The following BRSK2 variants were observed in gnomAD, a reference collection of about 807,000 sequenced individuals.
BRSK2 encodes the protein serine/threonine-protein kinase BRSK2.
A neutral mutation model predicts 83.3 loss-of-function variants in BRSK2; 19 were observed. The observed-to-expected ratio is 0.23, with a 90% CI of 0.16 to 0.33. The LOEUF (loss-of-function observed/expected upper bound fraction) is 0.33, where lower values mean the gene tolerates loss of function less well. BRSK2 is among the 10% of genes least tolerant of loss of function. BRSK2 has a pLI of 1.00. For missense variants in BRSK2, 798 were observed against 1,042.3 expected (o/e 0.77, Z 3.23); for synonymous variants, 519 against 435.4 (o/e 1.19, Z -2.39).
At chr11:1,410,505 C>T (rs1054892842) in intron 1 of BRSK2, 24 of 985,362 alleles carry the variant, frequency 2.4e-5, no homozygotes, top group African/African-American at 1.6e-4. Flanking sequence ...GTGCTGGGCC[C>T]GCAGACTTCG....
At chr11:1,414,967 CAT>C (rs1003501832) in intron 1 of BRSK2, among the ~76,000 whole-genome samples, 5 of 152,208 alleles carry the variant, frequency 3.3e-5, no homozygotes, top group African/African-American at 1.2e-4. Context: ...CTGCCGTGGA[CAT>C]GTGGCTGCTT....
intron 1 of BRSK2, chr11:1,411,504 G>C: frequency 2.0e-6 from 3 of 1,499,304 alleles, no homozygotes; most frequent in Non-Finnish European, 2.7e-6. Context: ...GTCTGGCCCA[G>C]CGGTGGGCAG....
At chr11:1,425,226 A>G (rs890398939) in intron 1 of BRSK2, among the ~76,000 whole-genome samples, 11 of 152,178 alleles carry the variant, frequency 7.2e-5, no homozygotes, top group African/African-American at 2.7e-4. Context: ...GCTTCGGCTT[A>G]AGGCCTCTCA....
At chr11:1,416,955 T>C (rs1401782295) in intron 1 of BRSK2, among the ~76,000 whole-genome samples, 3 of 152,174 alleles carry the variant, frequency 2.0e-5, no homozygotes, top group Non-Finnish European at 2.9e-5. Context: ...GGTCAGGCGT[T>C]CGAGACCAGC....
At position 1,389,974 on chromosome 11, in the gene BRSK2, G is replaced by A. The variant is rs1845620713; in HGVS notation, c.-311G>A. 6.9e-6 allele frequency: 1 copy of A among 145,878 alleles called. No homozygotes were observed. The highest frequency in any genetic ancestry group is 2.5e-5 in the African/African-American group (1 of 40,596). 9.0% of individuals were successfully genotyped at this position (145,878 alleles called of 1,614,324 possible). A position where few individuals can be genotyped will look rare whatever the true frequency, so the allele number is the denominator to read the frequency against. On this transcript the variant is annotated 5_prime_UTR_variant, in exon 1 of 20. Transcript: ENST00000528841. This position sits in a 1 kb window ranked among gnomAD's most constrained non-coding sequence, Gnocchi z 4.1. ...CGCGGCCGCTGACGGGCGTGCGCTG[G>A]GGGCGCGGGGCGCGGGGCGCGGGCC...
intron 1 of BRSK2, among the ~76,000 whole-genome samples, chr11:1,426,414 G>C (rs1849231916): frequency 6.6e-6 from 1 of 152,158 alleles, no homozygotes; most frequent in Admixed American, 6.5e-5. Flanking sequence ...GGCTTGAACT[G>C]TCACTTTAAT....
chr11:1,442,733 T>C (rs1349680962), intron 5 of BRSK2, 127 bp downstream of exon 5: 3 of 760,174 alleles, frequency 3.9e-6, no homozygotes, highest in Non-Finnish European at 6.6e-6. Context: ...CCCCCCACAA[T>C]GTGCCTGAGC....
rs1847105775 is a variant in BRSK2 at position 1,459,323 on chromosome 11, C to T, written c.1987+84C>T. Reference sequence around the variant, plus strand: ...GCCCGCTGTGGCCGCCACCTGCCGCCCGGGTTGTCCCGGCCTCCCTGTGTA... The same window carrying T: ...GCCCGCTGTGGCCGCCACCTGCCGCTCGGGTTGTCCCGGCCTCCCTGTGTA... On this transcript the variant is annotated intron_variant, in intron 19 of 19. Transcript: ENST00000528841. 4.2e-5 allele frequency: 62 copies of T among 1,486,430 alleles called. No individual in the cohort carries two copies. The South Asian group carries it at 7.0e-4, about 17-fold the overall frequency. 92.1% of individuals were successfully genotyped at this position (1,486,430 alleles called of 1,614,324 possible). A position where few individuals can be genotyped will look rare whatever the true frequency, so the allele number is the denominator to read the frequency against.
At chr11:1,447,269 T>TGCCTCCTGCCTGCGTGGCC (rs1852279151) in intron 12 of BRSK2, among the ~76,000 whole-genome samples, 2 of 152,196 alleles carry the variant, frequency 1.3e-5, no homozygotes, top group Admixed American at 1.3e-4. Flanking sequence ...CCCAGGTGCC[T>TGCCTCCTGCCTGCGTGGCC]GCCTCCTGCC....
In BRSK2 at chr11:1,445,824, A is replaced by G. The variant is rs34893167; in HGVS notation, c.1143A>G (p.Lys381=). The G allele has an allele frequency of 0.011, 18,101 of 1,612,404 alleles. 580 individuals are homozygous for G. The highest frequency in any genetic ancestry group is 0.11 in the African/African-American group (7,924 of 75,036). The change falls in exon 12 of 20, where the codon AAA becomes AAG. Residue 381 remains lysine (K), a synonymous_variant. Transcript: ENST00000528841. ...NRHGKRRPER[K]SMEVLSVTDG... is the part of the protein sequence containing the mutation. ...ACGGCAAGCGGCGGCCAGAACGCAA[A>G]TCCATGGAGGTGCTCAGCGTGACGG...
chr11:1,459,335 G>A (rs1205249100), intron 19 of BRSK2, 96 bp downstream of exon 19: 31 of 1,434,416 alleles, frequency 2.2e-5, no homozygotes, highest in African/African-American at 7.0e-5. Context: ...GGGTTGTCCC[G>A]GCCTCCCTGT....
rs757517848 is a variant in BRSK2, at chr11:1,445,779, C to T, written c.1098C>T (p.Asp366=). The change falls in exon 12 of 20, where the codon GAC becomes GAT. Residue 366 remains aspartate (D), a synonymous_variant. Transcript: ENST00000528841. ...CAGACCCTCCCCGGAAGCGTGTGGA[C>T]TCCCCGATGCTGAACCGGCACGGCA... ...NEIDPPRKRV[D]SPMLNRHGKR... 6.2e-6 allele frequency: 10 copies of T among 1,612,078 alleles called. No individual in the cohort carries two copies. Among genetic ancestry groups the T allele is most frequent in the Non-Finnish European group, 8.5e-6 (10 of 1,179,508 alleles).
chr11:1,457,184 G>A (rs1340525755), intron 18 of BRSK2: 9 of 799,852 alleles, frequency 1.1e-5, no homozygotes, highest in Admixed American at 6.0e-5. Flanking sequence ...TGCCCCGGGC[G>A]GCCCATCTGC....
At chr11:1,425,677 C>A (rs576789988) in intron 1 of BRSK2, among the ~76,000 whole-genome samples, 1 of 152,214 alleles carries the variant, frequency 6.6e-6, no homozygotes, top group Non-Finnish European at 1.5e-5. Flanking sequence ...CCCACACCCC[C>A]GCTCGTCTCC....
chr11:1,428,402 T>G (rs557077994), intron 1 of BRSK2, among the ~76,000 whole-genome samples: 2 of 152,310 alleles, frequency 1.3e-5, no homozygotes, highest in Admixed American at 1.3e-4. Flanking sequence ...CAGGAATGCC[T>G]TCTTCCATGT....
At chr11:1,427,836 C>A (rs1246856476) in intron 1 of BRSK2, among the ~76,000 whole-genome samples, 1 of 152,228 alleles carries the variant, frequency 6.6e-6, no homozygotes, top group Non-Finnish European at 1.5e-5. Flanking sequence ...GGCTACGGCC[C>A]AGTCAGGAGG....
In BRSK2 at chr11:1,454,191, A is replaced by ACCTGTGG. The variant is rs1554914766; in HGVS notation, c.1545-294_1545-293insCCTGTGG. 2 of 178,918 alleles carry ACCTGTGG rather than the reference A, an allele frequency of 1.1e-5. No homozygotes were observed. Among genetic ancestry groups the ACCTGTGG allele is most frequent in the Non-Finnish European group, 1.9e-5 (2 of 102,678 alleles). The allele number at this position is 178,918 out of a possible 1,614,324, so 11.1% of individuals were successfully genotyped here. A position where few individuals can be genotyped will look rare whatever the true frequency, so the allele number is the denominator to read the frequency against. On this transcript the variant is annotated intron_variant, in intron 15 of 19. Coordinates refer to ENST00000528841, the MANE Select transcript of BRSK2 (RefSeq NM_001256627.2). This position sits in a 1 kb window ranked among gnomAD's most constrained non-coding sequence, Gnocchi z 5.2. ...TCACCTGTGGGGGGCTCACCTGTGG[A>ACCTGTGG]GGGGCATCCCCAGACTTGGGAGTGG...
At chr11:1,411,664 C>T (rs1335634338) in intron 1 of BRSK2, 2 of 1,533,264 alleles carry the variant, frequency 1.3e-6, no homozygotes, top group Non-Finnish European at 1.7e-6. Flanking sequence ...CTGGCCAGGG[C>T]CCCTCGAGGG....
chr11:1,394,754 G>GC (rs1244670247), intron 1 of BRSK2, among the ~76,000 whole-genome samples: 1 of 104,786 alleles, frequency 9.5e-6, no homozygotes, highest in Non-Finnish European at 2.0e-5. Context: ...ATGGGTCCTG[G>GC]AGATGGGCCC....
Sources: gnomAD v4.1 joint callset for allele counts (sites outside exome capture counted in the v4.1 genomes callset) on GRCh38, gnomAD v4.1.1 for gene constraint, Gnocchi (gnomAD v3.1) non-coding constraint, MANE v1.5 for transcripts, NCBI Gene and HGNC (gene_info 2026-07-23, HGNC 2026-07-21) for gene names.